Variants in IL17RD observed in about 807,000 individuals in gnomAD.
The protein encoded by IL17RD is interleukin-17 receptor D.
In IL17RD, 52 loss-of-function variants were observed where a neutral mutation model predicts 80.5. The observed-to-expected ratio is 0.65, with a 90% CI of 0.52 to 0.81. IL17RD has a LOEUF of 0.81. IL17RD is among the 40% of genes least tolerant of loss of function. The pLI is 0.00. For synonymous variants in IL17RD, 416 were observed against 391.8 expected, an observed-to-expected ratio of 1.06 and a Z score of -0.73; for missense variants, 1,024 against 955.1, an observed-to-expected ratio of 1.07 and a Z score of -0.95.
At chr3:57,123,998 T>C (rs1335294715) in intron 1 of IL17RD, among the ~76,000 whole-genome samples, 6 of 152,136 alleles carry the variant, frequency 3.9e-5, no homozygotes, top group Non-Finnish European at 8.8e-5. Flanking sequence ...TGAGCCGAGA[T>C]CGCGCCATCG....
intron 1 of IL17RD, among the ~76,000 whole-genome samples, chr3:57,133,454 C>A (rs1559479509): frequency 6.6e-6 from 1 of 152,144 alleles, no homozygotes; most frequent in Non-Finnish European, 1.5e-5. Context: ...CCAATTAAAT[C>A]ATTGTATGAC....
chr3:57,096,066 G>A lies in IL17RD; in HGVS notation c.*327C>T, dbSNP rs1706663438. 6.9e-6 allele frequency: 2 copies of A among 290,208 alleles called. No homozygotes were observed. Among genetic ancestry groups the A allele is most frequent in the South Asian group, 5.2e-5 (1 of 19,164 alleles). The allele number at this position is 290,208 out of a possible 1,614,324, so 18.0% of individuals were successfully genotyped here. ...GCTCAATGAAGTCTGAATGATTAGT[G>A]CAGGTATCTTCCTGTTTTTCTTTAC... On this transcript the variant is annotated 3_prime_UTR_variant, in exon 13 of 13. Coordinates refer to ENST00000296318, the MANE Select transcript of IL17RD (RefSeq NM_017563.5).
chr3:57,162,593 C>T (rs917235008), intron 1 of IL17RD, among the ~76,000 whole-genome samples: 8 of 151,942 alleles, frequency 5.3e-5, no homozygotes, highest in Admixed American at 3.3e-4. Flanking sequence ...ATGCTAGGGC[C>T]GAGAAAGGAA....
chr3:57,150,377 TG>T, intron 1 of IL17RD: 1 of 152,438 alleles, frequency 6.6e-6, no homozygotes, highest in Non-Finnish European at 1.5e-5. Flanking sequence ...GCCCGACTGC[TG>T]GGGGCATGGG....
chr3:57,127,536 G>A (rs1344834299), intron 1 of IL17RD, among the ~76,000 whole-genome samples: 1 of 150,266 alleles, frequency 6.7e-6, no homozygotes, highest in Non-Finnish European at 1.5e-5. Flanking sequence ...TTCCCAAGTA[G>A]CTGGGATTAC....
chr3:57,103,053 G>A, intron 9 of IL17RD, 38 bp downstream of exon 9: 1 of 1,469,262 alleles, frequency 6.8e-7, no homozygotes, highest in South Asian at 1.2e-5. Context: ...TTGGTCTATA[G>A]TAGTCTAGAG....
In IL17RD at chr3:57,091,760, T is replaced by C. The variant is rs1401385985; in HGVS notation, c.*4633A>G. Reference sequence around the variant, plus strand: ...AATTTCTCTAAGACATACAAAGAACTATCTGATCAGCAGGGTAGGTTACAG... The same window carrying C: ...AATTTCTCTAAGACATACAAAGAACCATCTGATCAGCAGGGTAGGTTACAG... On this transcript the variant is annotated 3_prime_UTR_variant, in exon 13 of 13. Transcript: ENST00000296318. 5 of 152,238 alleles carry C rather than the reference T, an allele frequency of 3.3e-5. No individual in the cohort carries two copies. Among genetic ancestry groups the C allele is most frequent in the African/African-American group, 1.2e-4 (5 of 41,428 alleles). The allele number at this position is 152,238 out of a possible 1,614,324, so 9.4% of individuals were successfully genotyped here.
At chr3:57,160,950 T>G (rs1195298248) in intron 1 of IL17RD, among the ~76,000 whole-genome samples, 1 of 152,106 alleles carries the variant, frequency 6.6e-6, no homozygotes, top group Non-Finnish European at 1.5e-5. Context: ...TAACTGCTGG[T>G]CTCCTGGTCA....
At chr3:57,129,952 CA>C (rs1707572120) in intron 1 of IL17RD, among the ~76,000 whole-genome samples, 1 of 152,198 alleles carries the variant, frequency 6.6e-6, no homozygotes, top group Non-Finnish European at 1.5e-5. Flanking sequence ...CCAAGTGAGT[CA>C]ACCTGTGCTC....
chr3:57,113,354 C>T (rs1325532618), intron 3 of IL17RD, among the ~76,000 whole-genome samples: 1 of 152,214 alleles, frequency 6.6e-6, no homozygotes, highest in African/African-American at 2.4e-5. Context: ...TCTCCTGCCT[C>T]AGCCCCCTAA....
At chr3:57,107,177 G>C (rs926352323) in intron 5 of IL17RD, among the ~76,000 whole-genome samples, 1 of 152,140 alleles carries the variant, frequency 6.6e-6, no homozygotes, top group Admixed American at 6.5e-5. Context: ...AGGAGATCAA[G>C]ACCATCCTGG....
In IL17RD at chr3:57,101,173, C is replaced by G. The variant is rs1327377579; in HGVS notation, c.1164+6G>C. ...AGGGTAGGAGAAGGAACTTTAGATT[C>G]CGCACCTCACAGCCACAGAAGTCCT... is the stretch of plus-strand genomic sequence containing the variant. On this transcript the variant is annotated splice_donor_region_variant and intron_variant, in intron 11 of 12. Transcript: ENST00000296318. The G allele has an allele frequency of 1.2e-6, 2 of 1,612,284 alleles. No individual in the cohort carries two copies. The highest frequency in any genetic ancestry group is 1.7e-6 in the Non-Finnish European group (2 of 1,178,864).
intron 1 of IL17RD, among the ~76,000 whole-genome samples, chr3:57,160,064 C>A (rs1194780951): frequency 1.3e-5 from 2 of 152,066 alleles, no homozygotes; most frequent in Non-Finnish European, 2.9e-5. Context: ...CCCAACTACT[C>A]GGGAGGCTGA....
intron 1 of IL17RD, among the ~76,000 whole-genome samples, chr3:57,164,075 C>T (rs1023752353): frequency 6.6e-6 from 1 of 152,186 alleles, no homozygotes; most frequent in Non-Finnish European, 1.5e-5. Flanking sequence ...TATCCCTCAG[C>T]CCAGCAATAC....
At chr3:57,149,087 C>T (rs369018429) in intron 1 of IL17RD, among the ~76,000 whole-genome samples, 13 of 152,066 alleles carry the variant, frequency 8.5e-5, no homozygotes, top group East Asian at 5.8e-4. Context: ...CAAGGCGGGC[C>T]GATCATCTGA....
chr3:57,127,272 AAAAATATATAT>A (rs1382161190), intron 1 of IL17RD, among the ~76,000 whole-genome samples: 1 of 97,062 alleles, frequency 1.0e-5, no homozygotes, highest in Non-Finnish European at 1.8e-5. Context: ...AAATATATAT[AAAAATATATAT>A]AAATATATAT....
chr3:57,145,605 A>AC (rs1221010985), intron 1 of IL17RD, among the ~76,000 whole-genome samples: 1 of 152,222 alleles, frequency 6.6e-6, no homozygotes, highest in Admixed American at 6.5e-5. Context: ...GATGAAAAAC[A>AC]GACACCCAGG....
At chr3:57,165,495 C>A, upstream of IL17RD, 1 of 253,822 alleles carries the variant, frequency 3.9e-6, no homozygotes, top group Non-Finnish European at 7.0e-6. Context: ...GGCCCTGCCC[C>A]CGTAGACCAC....
intron 1 of IL17RD, among the ~76,000 whole-genome samples, chr3:57,143,923 AG>A (rs1707877820): frequency 6.6e-6 from 1 of 152,242 alleles, no homozygotes; most frequent in Non-Finnish European, 1.5e-5. Flanking sequence ...CTGTACCTAC[AG>A]GGGCAAGAGG....
Sources: gnomAD v4.1 joint callset for allele counts (sites outside exome capture counted in the v4.1 genomes callset) on GRCh38, gnomAD v4.1.1 for gene constraint, MANE v1.5 for transcripts, NCBI Gene and HGNC (gene_info 2026-07-23, HGNC 2026-07-21) for gene names.